Variants in TEX14 observed in about 807,000 individuals in gnomAD.
The protein encoded by TEX14 is inactive serine/threonine-protein kinase TEX14.
TEX14 carries 168 observed loss-of-function variants against 178.6 expected under a neutral mutation model. The ratio of observed to expected loss-of-function variants is 0.94; its 90% CI spans 0.83 to 1.07. The LOEUF (loss-of-function observed/expected upper bound fraction) is 1.07. TEX14 is among the 50% of genes least tolerant of loss of function. The pLI is 0.00. For missense variants in TEX14, 1,730 were observed against 1,753.6 expected (o/e 0.99, Z 0.24); for synonymous variants, 626 against 634.1 (o/e 0.99, Z 0.19).
intron 16 of TEX14, 38 bp downstream of exon 16, chr17:58,587,858 C>T (rs368189580): frequency 1.9e-5 from 24 of 1,256,364 alleles, no homozygotes; most frequent in East Asian, 1.6e-4. Context: ...CCCCCACCCC[C>T]GCTCCACCAC....
At chr17:58,583,509 C>G (rs553852150) in intron 19 of TEX14, among the ~76,000 whole-genome samples, 1 of 152,310 alleles carries the variant, frequency 6.6e-6, no homozygotes, top group South Asian at 2.1e-4. Context: ...AAGCGATCCT[C>G]CAGCTTCAGC....
chr17:58,624,026 G>A (rs1342247945), intron 3 of TEX14, among the ~76,000 whole-genome samples: 1 of 152,208 alleles, frequency 6.6e-6, no homozygotes, highest in Non-Finnish European at 1.5e-5. Flanking sequence ...GCTCACGCCT[G>A]TAATCCCAGC....
intron 1 of TEX14, among the ~76,000 whole-genome samples, chr17:58,669,188 C>G (rs1016426677): frequency 6.6e-6 from 1 of 152,010 alleles, no homozygotes; most frequent in African/African-American, 2.4e-5. Context: ...CCCATCTCTA[C>G]TAAAAATACA....
At position 58,652,011 on chromosome 17, in the gene TEX14, A is replaced by T; in HGVS notation, c.-1-9T>A. 1.3e-6 allele frequency: 2 copies of T among 1,536,856 alleles called. No homozygotes were observed. Among genetic ancestry groups the T allele is most frequent in the Non-Finnish European group, 1.7e-6 (2 of 1,144,858 alleles). Reference sequence around the variant, plus strand: ...GAACAGCCCGAGACATCCTGTTCCAAAAGAGAGCAATATGCTTATTTTAAC... The same window carrying T: ...GAACAGCCCGAGACATCCTGTTCCATAAGAGAGCAATATGCTTATTTTAAC... On this transcript the variant is annotated splice_polypyrimidine_tract_variant and intron_variant, in intron 1 of 31. Transcript: ENST00000349033.
At chr17:58,559,404 C>T in intron 30 of TEX14, 49 bp downstream of exon 30, 1 of 801,438 alleles carries the variant, frequency 1.2e-6, no homozygotes, top group Non-Finnish European at 2.1e-6. Flanking sequence ...TGAAGCACAT[C>T]AAAGCCCAAG....
chr17:58,624,533 G>C (rs994193442), intron 3 of TEX14, among the ~76,000 whole-genome samples: 2 of 151,472 alleles, frequency 1.3e-5, no homozygotes, highest in Non-Finnish European at 2.9e-5. Context: ...GTGGAGACAG[G>C]GTTTCACCAT....
chr17:58,585,616 T>TG (rs1173691179), intron 18 of TEX14, among the ~76,000 whole-genome samples, 185 bp downstream of exon 18: 4 of 142,978 alleles, frequency 2.8e-5, no homozygotes, highest in Non-Finnish European at 4.6e-5. Flanking sequence ...TAATGTTTTT[T>TG]TTTTTTTTTT....
chr17:58,593,810 C>A (rs2045214921), intron 14 of TEX14, 149 bp from the exon 15 acceptor site: 5 of 666,206 alleles, frequency 7.5e-6, no homozygotes, highest in African/African-American at 1.8e-5. Context: ...TATCTGCTAA[C>A]CCATCTCTTA....
chr17:58,593,774 AC>A, intron 14 of TEX14, 113 bp from the exon 15 acceptor site: 1 of 864,190 alleles, frequency 1.2e-6, no homozygotes, highest in Non-Finnish European at 1.8e-6. Context: ...AACCAGACCT[AC>A]CAGGATTTTC....
intron 1 of TEX14, among the ~76,000 whole-genome samples, chr17:58,672,753 A>G (rs776240610): frequency 2.0e-5 from 3 of 150,956 alleles, no homozygotes; most frequent in Non-Finnish European, 4.4e-5. Context: ...TTGTTTTGAG[A>G]TGGAGTCTCG....
intron 1 of TEX14, among the ~76,000 whole-genome samples, chr17:58,684,630 C>CAAAT (rs3031764): frequency 0.015 from 2,104 of 140,410 alleles, 32 homozygotes; most frequent in Admixed American, 0.042. Context: ...GACCCTGTCT[C>CAAAT]AAATAAATAA....
At chr17:58,584,655 T>C (rs926533963) in intron 18 of TEX14, 55 bp from the exon 19 acceptor site, 8 of 1,367,340 alleles carry the variant, frequency 5.9e-6, no homozygotes, top group Non-Finnish European at 8.4e-6. Context: ...TCAGACAACA[T>C]GGAAGAGGAT....
At chr17:58,655,154 A>G (rs2046926410) in intron 1 of TEX14, among the ~76,000 whole-genome samples, 1 of 150,400 alleles carries the variant, frequency 6.6e-6, no homozygotes, top group Non-Finnish European at 1.5e-5. Flanking sequence ...CTGGGATTAC[A>G]GGCGCCTGCC....
intron 10 of TEX14, among the ~76,000 whole-genome samples, chr17:58,606,620 T>C (rs992373531): frequency 2.6e-5 from 4 of 152,040 alleles, no homozygotes; most frequent in Non-Finnish European, 4.4e-5. Flanking sequence ...ACAGTGTGGA[T>C]ATGCATACAA....
chr17:58,639,260 C>T (rs959713571), intron 2 of TEX14, among the ~76,000 whole-genome samples: 1 of 151,992 alleles, frequency 6.6e-6, no homozygotes, highest in Non-Finnish European at 1.5e-5. Flanking sequence ...GACGCAAAGG[C>T]ATGACAATGA....
chr17:58,624,455 C>A (rs2046088235), intron 3 of TEX14, among the ~76,000 whole-genome samples: 1 of 150,986 alleles, frequency 6.6e-6, no homozygotes, highest in African/African-American at 2.4e-5. Context: ...GTTCTTCTGC[C>A]TCAGCCTCCT....
intron 2 of TEX14, among the ~76,000 whole-genome samples, chr17:58,643,567 T>C (rs200558947): frequency 1.2e-5 from 1 of 84,334 alleles, no homozygotes; most frequent in Admixed American, 1.0e-4. Context: ...GTCTCAAAAA[T>C]GAAAAAAAAA....
intron 1 of TEX14, among the ~76,000 whole-genome samples, chr17:58,667,100 T>C (rs2047227058): frequency 6.6e-6 from 1 of 152,222 alleles, no homozygotes. Flanking sequence ...CGGATCTCCC[T>C]GTATGGAGAG....
chr17:58,624,341 C>CTTTTCT (rs2046083448), intron 3 of TEX14, among the ~76,000 whole-genome samples: 1 of 128,624 alleles, frequency 7.8e-6, no homozygotes, highest in Admixed American at 8.2e-5. Context: ...CTTTTCTTTT[C>CTTTTCT]TTTTTTTTTT....
Sources: gnomAD v4.1 joint callset for allele counts (sites outside exome capture counted in the v4.1 genomes callset) on GRCh38, gnomAD v4.1.1 for gene constraint, MANE v1.5 for transcripts, NCBI Gene and HGNC (gene_info 2026-07-23, HGNC 2026-07-21) for gene names.